RALYL: variants seen among roughly 807,000 people sequenced by gnomAD.
RALYL encodes RNA-binding Raly-like protein.
In RALYL, 29 loss-of-function variants were observed where a neutral mutation model predicts 35.1. The observed-to-expected ratio is 0.83, with a 90% CI of 0.61 to 1.13. The LOEUF (loss-of-function observed/expected upper bound fraction) is 1.13, where lower values mean the gene tolerates loss of function less well. Among genes scored for constraint, RALYL ranks in the 50% most tolerant of loss-of-function variants. RALYL has a pLI of 0.00. For synonymous variants in RALYL, 120 were observed against 127.6 expected (o/e 0.94, Z 0.40); for missense variants, 359 against 360.4 (o/e 1.00, Z 0.03).
intron 2 of RALYL, among the ~76,000 whole-genome samples, chr8:84,631,243 T>A (rs946558225): frequency 6.6e-6 from 1 of 151,998 alleles, no homozygotes; most frequent in African/African-American, 2.4e-5. Context: ...AAAAGAAATA[T>A]GGACTGTATG....
chr8:84,669,492 C>CG (rs1554771610), intron 2 of RALYL, among the ~76,000 whole-genome samples: 3 of 55,902 alleles, frequency 5.4e-5, no homozygotes, highest in African/African-American at 2.5e-4. Context: ...CCCCCTCCCC[C>CG]CCCCCCCACT....
chr8:84,315,642 T>A (rs1274064844), intron 1 of RALYL, among the ~76,000 whole-genome samples: 1 of 152,122 alleles, frequency 6.6e-6, no homozygotes, highest in Non-Finnish European at 1.5e-5. Flanking sequence ...ACCAAATTTC[T>A]TGTTAATGTA....
intron 1 of RALYL, among the ~76,000 whole-genome samples, chr8:84,386,687 C>G (rs1859273622): frequency 6.6e-6 from 1 of 151,824 alleles, no homozygotes; most frequent in Non-Finnish European, 1.5e-5. Flanking sequence ...ACTGGCCTGC[C>G]TCTTCCTCAC....
At chr8:84,396,168 A>G (rs1199942023) in intron 1 of RALYL, among the ~76,000 whole-genome samples, 1 of 152,028 alleles carries the variant, frequency 6.6e-6, no homozygotes, top group Non-Finnish European at 1.5e-5. Context: ...GTATGCATCC[A>G]GATTAGGTCC....
At chr8:84,619,369 A>AT (rs1361375615) in intron 2 of RALYL, among the ~76,000 whole-genome samples, 1 of 149,750 alleles carries the variant, frequency 6.7e-6, no homozygotes, top group Non-Finnish European at 1.5e-5. Flanking sequence ...GTCTCTTTTG[A>AT]TTTTTGTTGG....
chr8:84,517,520 A>G (rs953491820), intron 1 of RALYL, among the ~76,000 whole-genome samples: 5 of 152,180 alleles, frequency 3.3e-5, no homozygotes, highest in African/African-American at 1.2e-4. Context: ...TATATCAGAT[A>G]AAATACTAGA....
Position 84,195,710 on chromosome 8 carries a change from A to C in RALYL, c.-24+11286A>C, listed in dbSNP as rs16912517. Among the ~76,000 whole-genome samples the C allele has an allele frequency of 7.0e-3, 1,073 of 152,296 alleles. 16 individuals are homozygous for C. Among genetic ancestry groups the C allele is most frequent in the Middle Eastern group, 0.027 (8 of 294 alleles). ...ATTACTCTCGTTCCATTGTATTCCA[A>C]AGCCAGGAATGTATGACAGTGTAGA... On this transcript the variant is annotated intron_variant, in intron 1 of 8. Coordinates refer to ENST00000521268, the MANE Select transcript of RALYL (RefSeq NM_173848.7).
chr8:84,839,054 T>C (rs190287274), intron 4 of RALYL, among the ~76,000 whole-genome samples: 85 of 152,166 alleles, frequency 5.6e-4, no homozygotes, highest in African/African-American at 1.8e-3. Context: ...ACGCAGAACA[T>C]GGGTGATTTC....
intron 2 of RALYL, among the ~76,000 whole-genome samples, chr8:84,711,008 G>A (rs1842093435): frequency 6.6e-6 from 1 of 151,662 alleles, no homozygotes; most frequent in Non-Finnish European, 1.5e-5. Flanking sequence ...ATTGTCTATG[G>A]GGAAGTCAGG....
At chr8:84,830,779 AG>A (rs1404052556) in intron 4 of RALYL, among the ~76,000 whole-genome samples, 28 of 152,284 alleles carry the variant, frequency 1.8e-4, no homozygotes, top group East Asian at 1.2e-3. Flanking sequence ...TTTGAGTATA[AG>A]GTTTTTTTCT....
At chr8:84,211,380 T>G (rs1819452844) in intron 1 of RALYL, among the ~76,000 whole-genome samples, 1 of 152,124 alleles carries the variant, frequency 6.6e-6, no homozygotes, top group Admixed American at 6.6e-5. Context: ...CAGCTTGGAC[T>G]GGGGCCTAGA....
At chr8:84,209,475 C>T (rs1818925266) in intron 1 of RALYL, among the ~76,000 whole-genome samples, 1 of 152,136 alleles carries the variant, frequency 6.6e-6, no homozygotes, top group African/African-American at 2.4e-5. Context: ...ATGGGAACAT[C>T]TAACTCTAAT....
At chr8:84,187,383 T>C (rs577661828) in intron 1 of RALYL, among the ~76,000 whole-genome samples, 6 of 152,142 alleles carry the variant, frequency 3.9e-5, no homozygotes, top group Non-Finnish European at 7.4e-5. Context: ...GAATAACTTT[T>C]CATCATTGAA....
intron 3 of RALYL, among the ~76,000 whole-genome samples, chr8:84,797,079 G>T (rs923171019): frequency 5.3e-5 from 8 of 152,174 alleles, no homozygotes; most frequent in Non-Finnish European, 1.0e-4. Flanking sequence ...TTGGCTCACA[G>T]TTCTAGAGAC....
chr8:84,361,175 T>C (rs948592294), intron 1 of RALYL, among the ~76,000 whole-genome samples: 1 of 152,138 alleles, frequency 6.6e-6, no homozygotes, highest in Non-Finnish European at 1.5e-5. Flanking sequence ...AAAATACATA[T>C]GAAATAATGA....
intron 2 of RALYL, among the ~76,000 whole-genome samples, chr8:84,672,476 T>G (rs987625430): frequency 1.3e-5 from 2 of 152,214 alleles, no homozygotes; most frequent in Non-Finnish European, 2.9e-5. Context: ...TCAACATTTT[T>G]GGGTATCTTT....
intron 1 of RALYL, among the ~76,000 whole-genome samples, chr8:84,322,960 G>A (rs1845146936): frequency 6.6e-6 from 1 of 152,066 alleles, no homozygotes; most frequent in African/African-American, 2.4e-5. Flanking sequence ...GAAGTCACAA[G>A]TATATATTAT....
rs75369044 is a variant in RALYL, at chr8:84,375,288, C to A, written c.-23-154011C>A. Among the ~76,000 whole-genome samples, 42 of 151,876 alleles carry A rather than the reference C, an allele frequency of 2.8e-4. No homozygotes were observed. In the East Asian group the frequency reaches 7.4e-3, roughly 27 times the overall value. ...TTGACTGCAACCCACAAACAATACC[C>A]AATACTGTGGTGGATACAAACTGTC... On this transcript the variant is annotated intron_variant, in intron 1 of 8. Transcript: ENST00000521268.
intron 1 of RALYL, among the ~76,000 whole-genome samples, chr8:84,455,915 C>T (rs1188720225): frequency 6.6e-6 from 1 of 152,026 alleles, no homozygotes; most frequent in Non-Finnish European, 1.5e-5. Context: ...GGTTTCATCT[C>T]AGTTCCACTC....
Sources: allele counts gnomAD v4.1 joint callset (sites outside exome capture counted in the v4.1 genomes callset), GRCh38; gene constraint gnomAD v4.1.1; transcripts MANE v1.5; gene names NCBI Gene and HGNC (gene_info 2026-07-23, HGNC 2026-07-21).